The following SCARA3 variants were observed in gnomAD, a reference collection of about 807,000 sequenced individuals.
SCARA3 encodes the protein cellular stress response gene protein.
A neutral mutation model predicts 47.0 loss-of-function variants in SCARA3; 39 were observed. That is an observed-to-expected ratio of 0.83 (90% CI 0.64 to 1.08). The LOEUF is 1.08. Among genes scored for constraint, SCARA3 ranks in the 50% least tolerant of loss-of-function variants. The probability of loss-of-function intolerance (pLI) is 0.00; values close to 1 mark genes in which losing one functional copy is unlikely to be tolerated. For missense variants in SCARA3, 724 were observed against 792.3 expected, an observed-to-expected ratio of 0.91 and a Z score of 1.04; for synonymous variants, 356 against 334.1, an observed-to-expected ratio of 1.07 and a Z score of -0.71.
chr8:27,677,063 C>T (rs538291140), downstream of SCARA3, among the ~76,000 whole-genome samples: 6 of 152,306 alleles, frequency 3.9e-5, no homozygotes, highest in African/African-American at 4.8e-5. Context: ...TTCCCTTCTT[C>T]GAGATGTAGA....
At chr8:27,638,016 A>G (rs1412167219) in intron 1 of SCARA3, among the ~76,000 whole-genome samples, 1 of 152,082 alleles carries the variant, frequency 6.6e-6, no homozygotes, top group Non-Finnish European at 1.5e-5. Context: ...AGCGGCTCAG[A>G]TGTTGGAGTT....
At chr8:27,713,874 A>G in the SCARA3 span, among the ~76,000 whole-genome samples, 1 of 152,156 alleles carries the variant, frequency 6.6e-6, no homozygotes, top group African/African-American at 2.4e-5. Context: ...TTTAAGCCCC[A>G]TTGCTGGAGG....
the SCARA3 span, among the ~76,000 whole-genome samples, chr8:27,686,007 G>A: frequency 1.3e-5 from 2 of 152,212 alleles, no homozygotes; most frequent in Non-Finnish European, 2.9e-5. Flanking sequence ...GTTGAAAAAA[G>A]AGGACTGAAG....
the SCARA3 span, among the ~76,000 whole-genome samples, chr8:27,721,219 T>C: frequency 6.6e-6 from 1 of 151,660 alleles, no homozygotes; most frequent in Non-Finnish European, 1.5e-5. Flanking sequence ...AATTTACTCA[T>C]ATTATGCATT....
the SCARA3 span, among the ~76,000 whole-genome samples, chr8:27,711,027 A>T: frequency 6.8e-6 from 1 of 147,980 alleles, no homozygotes. Flanking sequence ...GGTTCAAGCG[A>T]TTCTCCTGCC....
chr8:27,667,119 T>C (rs1387914693), intron 5 of SCARA3, among the ~76,000 whole-genome samples: 1 of 152,164 alleles, frequency 6.6e-6, no homozygotes, highest in Non-Finnish European at 1.5e-5. Context: ...CCTGCCTTGT[T>C]ATTGGCAGGG....
chr8:27,634,183 G>C lies in SCARA3; in HGVS notation c.-18G>C. 2 of 1,429,314 alleles carry C rather than the reference G, an allele frequency of 1.4e-6. No individual in the cohort carries two copies. The highest frequency in any genetic ancestry group is 1.8e-6 in the Non-Finnish European group (2 of 1,096,620). 88.5% of individuals were successfully genotyped at this position (1,429,314 alleles called of 1,614,324 possible). A position where few individuals can be genotyped will look rare whatever the true frequency, so the allele number is the denominator to read the frequency against. ...CCGCCTGCAGCGGGGCCCTCCTGAG[G>C]CCCCAGAGGAAGAGACCATGAAAGG... On this transcript the variant is annotated 5_prime_UTR_variant, in exon 1 of 6. Transcript: ENST00000301904.
At chr8:27,644,623 A>G (rs921543430) in intron 1 of SCARA3, among the ~76,000 whole-genome samples, 21 of 138,534 alleles carry the variant, frequency 1.5e-4, no homozygotes, top group African/African-American at 4.6e-4. Context: ...AAAGAAGGGG[A>G]GAGAGAGAGA....
chr8:27,656,976 C>T (rs1801757787), intron 4 of SCARA3, 96 bp downstream of exon 4: 1 of 781,064 alleles, frequency 1.3e-6, no homozygotes, highest in Non-Finnish European at 2.3e-6. Context: ...AAGCAACCTT[C>T]ACCAGCCTTC....
Position 27,634,205 on chromosome 8 carries a change from A to T in SCARA3, c.5A>T (p.Lys2Ile). 4.3e-6 allele frequency: 6 copies of T among 1,387,702 alleles called. No individual in the cohort carries two copies. Among genetic ancestry groups the T allele is most frequent in the Non-Finnish European group, 5.6e-6 (6 of 1,072,938 alleles). The allele number at this position is 1,387,702 out of a possible 1,614,324, so 86.0% of individuals were successfully genotyped here. A position where few individuals can be genotyped will look rare whatever the true frequency, so the allele number is the denominator to read the frequency against. MKVRSAGGDGDA... is the reference protein window; with the variant it reads MIVRSAGGDGDA... ...GAGGCCCCAGAGGAAGAGACCATGA[A>T]AGGTAAGGGCGGCCTGTCGGGGGCA... The change falls in exon 1 of 6, where the codon AAA becomes ATA. Residue 2 changes from lysine (K) to isoleucine (I), a missense_variant and splice_region_variant. Coordinates refer to ENST00000301904, the MANE Select transcript of SCARA3 (RefSeq NM_016240.3).
intron 1 of SCARA3, among the ~76,000 whole-genome samples, chr8:27,634,848 G>A (rs1428547246): frequency 6.6e-6 from 1 of 151,600 alleles, no homozygotes; most frequent in Non-Finnish European, 1.5e-5. Context: ...TTCTTGGGAT[G>A]GAAATAAGAA....
At chr8:27,698,383 A>G in the SCARA3 span, among the ~76,000 whole-genome samples, 1 of 152,210 alleles carries the variant, frequency 6.6e-6, no homozygotes, top group Non-Finnish European at 1.5e-5. Flanking sequence ...TGTCAAGTTG[A>G]TATGACAACA....
At chr8:27,659,720 T>C (rs903025801) in intron 5 of SCARA3, among the ~76,000 whole-genome samples, 181 bp downstream of exon 5, 1 of 151,770 alleles carries the variant, frequency 6.6e-6, no homozygotes, top group African/African-American at 2.4e-5. Flanking sequence ...CATGGTGGTG[T>C]GTACCTATAC....
chr8:27,656,690 C>A, intron 3 of SCARA3, 92 bp from the exon 4 acceptor site: 1 of 804,726 alleles, frequency 1.2e-6, no homozygotes, highest in Non-Finnish European at 2.2e-6. Flanking sequence ...GTTTTGGTTG[C>A]AGAGGAGCTG....
At chr8:27,711,508 C>T in the SCARA3 span, among the ~76,000 whole-genome samples, 1 of 152,078 alleles carries the variant, frequency 6.6e-6, no homozygotes, top group Admixed American at 6.5e-5. Flanking sequence ...CTTGGCTTAT[C>T]TTGTATATCT....
At chr8:27,682,681 C>T in the SCARA3 span, among the ~76,000 whole-genome samples, 4 of 152,120 alleles carry the variant, frequency 2.6e-5, no homozygotes, top group African/African-American at 9.7e-5. Flanking sequence ...AACCACTACA[C>T]TCATAATAGA....
chr8:27,701,416 T>A, the SCARA3 span: 2 of 152,144 alleles, frequency 1.3e-5, no homozygotes, highest in Non-Finnish European at 2.9e-5. Context: ...GTATTATATG[T>A]AAATTATGCC....
chr8:27,685,682 C>T, the SCARA3 span, among the ~76,000 whole-genome samples: 1 of 152,142 alleles, frequency 6.6e-6, no homozygotes, highest in Non-Finnish European at 1.5e-5. Flanking sequence ...CCAGACATGA[C>T]CTGCCCCCGT....
chr8:27,721,911 G>A, the SCARA3 span, among the ~76,000 whole-genome samples: 2 of 152,066 alleles, frequency 1.3e-5, no homozygotes, highest in Non-Finnish European at 2.9e-5. Flanking sequence ...GCGAGATGCC[G>A]TCGCTACAAA....
Sources: gnomAD v4.1 joint callset for allele counts (sites outside exome capture counted in the v4.1 genomes callset) on GRCh38, gnomAD v4.1.1 for gene constraint, MANE v1.5 for transcripts, NCBI Gene and HGNC (gene_info 2026-07-23, HGNC 2026-07-21) for gene names.